Variants in ZNF486 observed in about 807,000 individuals in gnomAD.
The protein encoded by ZNF486 is zinc finger protein 486.
A neutral mutation model predicts 12.8 loss-of-function variants in ZNF486; 12 were observed. The ratio of observed to expected loss-of-function variants is 0.94; its 90% CI spans 0.60 to 1.52. The LOEUF (loss-of-function observed/expected upper bound fraction) is 1.52, where lower values mean the gene tolerates loss of function less well. ZNF486 is among the 40% of genes most tolerant of loss of function. ZNF486 has a pLI of 0.00. For missense variants in ZNF486, 738 were observed against 545.0 expected (o/e 1.35, Z -3.53); for synonymous variants, 231 against 184.9 (o/e 1.25, Z -2.02).
intron 3 of ZNF486, among the ~76,000 whole-genome samples, chr19:20,194,007 A>C (rs1209012318): frequency 1.3e-5 from 2 of 152,194 alleles, no homozygotes; most frequent in Non-Finnish European, 2.9e-5. Flanking sequence ...CAACTTTGTT[A>C]CTGATTTTGC....
intron 1 of ZNF486, among the ~76,000 whole-genome samples, chr19:20,182,849 G>A (rs11881172): frequency 0.068 from 10,282 of 152,158 alleles, 481 homozygotes; most frequent in African/African-American, 0.14. Flanking sequence ...TCAAGATGCA[G>A]GTGTAATTTT....
chr19:20,192,445 A>G (rs1180052877), intron 3 of ZNF486, among the ~76,000 whole-genome samples: 2 of 152,160 alleles, frequency 1.3e-5, no homozygotes, highest in Non-Finnish European at 2.9e-5. Flanking sequence ...AGCTGGGATT[A>G]CAGGCACCTG....
At chr19:20,175,286 T>G (rs983163263) in intron 1 of ZNF486, 1 of 151,768 alleles carries the variant, frequency 6.6e-6, no homozygotes, top group Non-Finnish European at 1.5e-5. Flanking sequence ...CATTTTAACT[T>G]TTTTCTCTCC....
At chr19:20,188,787 C>T (rs1478926894) in intron 3 of ZNF486, 7 of 232,718 alleles carry the variant, frequency 3.0e-5, no homozygotes, top group Admixed American at 5.6e-5. Flanking sequence ...TACCCTCTCT[C>T]ACCCTCGACA....
intron 3 of ZNF486, among the ~76,000 whole-genome samples, chr19:20,194,455 G>T (rs1243008234): frequency 6.6e-6 from 1 of 152,180 alleles, no homozygotes; most frequent in Non-Finnish European, 1.5e-5. Context: ...TGCCGGTTGT[G>T]GTGGCTCACG....
At chr19:20,178,869 C>T (rs1156795449) in intron 1 of ZNF486, among the ~76,000 whole-genome samples, 1 of 152,210 alleles carries the variant, frequency 6.6e-6, no homozygotes, top group Admixed American at 6.5e-5. Flanking sequence ...GACCATGGGG[C>T]CCACAAACCC....
At chr19:20,189,428 A>G (rs1179922980) in intron 3 of ZNF486, among the ~76,000 whole-genome samples, 5 of 152,206 alleles carry the variant, frequency 3.3e-5, no homozygotes, top group Non-Finnish European at 1.5e-5. Context: ...ACATTTTTAA[A>G]TAATGGCTGC....
chr19:20,183,517 T>A (rs2089808764), intron 1 of ZNF486, among the ~76,000 whole-genome samples: 1 of 152,210 alleles, frequency 6.6e-6, no homozygotes, highest in African/African-American at 2.4e-5. Flanking sequence ...TCTTTATGGT[T>A]AAATTCAGAT....
chr19:20,186,176 C>A, intron 3 of ZNF486, 94 bp downstream of exon 3: 1 of 867,586 alleles, frequency 1.2e-6, no homozygotes, highest in Non-Finnish European at 1.7e-6. Flanking sequence ...ATCTGGGAAG[C>A]TGTGTTCCAA....
At chr19:20,195,028 T>G (rs1240254903) in intron 3 of ZNF486, among the ~76,000 whole-genome samples, 1 of 152,140 alleles carries the variant, frequency 6.6e-6, no homozygotes, top group South Asian at 2.1e-4. Context: ...TTTTTTCTTA[T>G]ACAGAGTCTT....
chr19:20,170,595 A>G (rs368550562), intron 1 of ZNF486, among the ~76,000 whole-genome samples: 1 of 152,054 alleles, frequency 6.6e-6, no homozygotes, highest in East Asian at 1.9e-4. Flanking sequence ...AAGAAATTTG[A>G]CCACTGAAGA....
In ZNF486 at chr19:20,197,802, C is replaced by G; in HGVS notation, c.1092C>G (p.His364Gln). 6.2e-7 allele frequency: 1 copy of G among 1,613,594 alleles called. No homozygotes were observed. The highest frequency in any genetic ancestry group is 8.5e-7 in the Non-Finnish European group (1 of 1,179,874). Residue 364 changes from histidine (H) to glutamine (Q), a missense_variant, in exon 4 of 4, where the codon CAC becomes CAG. Physicochemically the swap from His to Gln is conservative, Grantham distance 24. Transcript: ENST00000335117. ...ECGKAFTRSS[H>Q]LTMHKIIHTG... ...GCAAAGCCTTCACCCGCTCCTCACA[C>G]CTTACTATGCATAAGATAATTCATA... is the stretch of plus-strand genomic sequence containing the variant.
intron 1 of ZNF486, 53 bp from the exon 2 acceptor site, chr19:20,184,303 A>G (rs1481660818): frequency 1.9e-6 from 3 of 1,605,094 alleles, no homozygotes; most frequent in Non-Finnish European, 2.6e-6. Context: ...CTTAAATTAA[A>G]AATTCCACCA....
chr19:20,179,996 G>C (rs1097508), intron 1 of ZNF486, among the ~76,000 whole-genome samples: 56,250 of 152,104 alleles, frequency 0.37, 14,521 homozygotes, highest in African/African-American at 0.72. Context: ...GACAGATGAT[G>C]TAGGTTCTGG....
At chr19:20,196,496 C>G (rs1337726522) in intron 3 of ZNF486, among the ~76,000 whole-genome samples, 1 of 151,816 alleles carries the variant, frequency 6.6e-6, no homozygotes, top group African/African-American at 2.4e-5. Context: ...GACTGGCTAA[C>G]TTTTTGTAAT....
At chr19:20,179,403 A>T (rs1369389144) in intron 1 of ZNF486, among the ~76,000 whole-genome samples, 21 of 151,104 alleles carry the variant, frequency 1.4e-4, no homozygotes, top group Admixed American at 1.4e-3. Context: ...ATTCCAGGCA[A>T]CTTGAATCTT....
chr19:20,177,763 A>AG (rs1331488637), intron 1 of ZNF486, among the ~76,000 whole-genome samples: 2 of 151,884 alleles, frequency 1.3e-5, no homozygotes, highest in Admixed American at 6.6e-5. Context: ...TTTAGTAGAG[A>AG]GGGGGTTTGT....
chr19:20,192,696 C>T (rs552836750), intron 3 of ZNF486, among the ~76,000 whole-genome samples: 1 of 152,264 alleles, frequency 6.6e-6, no homozygotes, highest in East Asian at 1.9e-4. Flanking sequence ...CTCAGATGAT[C>T]CTCTCATTTT....
At chr19:20,187,892 G>A (rs1020084365) in intron 3 of ZNF486, among the ~76,000 whole-genome samples, 1 of 152,136 alleles carries the variant, frequency 6.6e-6, no homozygotes, top group South Asian at 2.1e-4. Context: ...GTAGTGGAGA[G>A]GGGGTGTAGC....
Sources: gnomAD v4.1 joint callset for allele counts (sites outside exome capture counted in the v4.1 genomes callset) on GRCh38, gnomAD v4.1.1 for gene constraint, MANE v1.5 for transcripts, NCBI Gene and HGNC (gene_info 2026-07-23, HGNC 2026-07-21) for gene names.